The following VTI1A variants were observed in gnomAD, a reference collection of about 807,000 sequenced individuals.
VTI1A encodes the protein vesicle transport through interaction with t-SNAREs homolog 1A.
Under a neutral mutation model 34.9 loss-of-function variants are expected in VTI1A, and 22 were observed. The observed-to-expected ratio is 0.63, with a 90% CI of 0.45 to 0.90. The LOEUF is 0.90. Ranked by LOEUF, VTI1A falls within the 40% of genes least tolerant of loss-of-function variation. VTI1A has a pLI of 0.00. For synonymous variants in VTI1A, 87 were observed against 97.3 expected, an observed-to-expected ratio of 0.89 and a Z score of 0.62; for missense variants, 268 against 275.6, an observed-to-expected ratio of 0.97 and a Z score of 0.20.
At chr10:112,801,143 G>A in intron 7 of VTI1A, among the ~76,000 whole-genome samples, 1 of 152,230 alleles carries the variant, frequency 6.6e-6, no homozygotes, top group East Asian at 1.9e-4. Context: ...GAACCTTCTC[G>A]AGCAGATCTT....
chr10:112,515,355 A>G (rs1283472263), intron 3 of VTI1A, among the ~76,000 whole-genome samples: 1 of 152,064 alleles, frequency 6.6e-6, no homozygotes, highest in Non-Finnish European at 1.5e-5. Flanking sequence ...ATTATTTTCA[A>G]TTGTGAAAAT....
chr10:112,713,226 G>A lies in VTI1A; in HGVS notation c.560+44228G>A, dbSNP rs190316128. On this transcript the variant is annotated intron_variant, in intron 7 of 7. Transcript: ENST00000393077. The stretch of plus-strand genomic sequence containing the variant: ...CATGCACCAGCCCAATGGAGCACTA[G>A]TATTCTCTTACAGAACTATTGGTTA... 2.8e-3 allele frequency among the ~76,000 whole-genome samples: 431 copies of A among 152,246 alleles called. 1 individual carries two copies. Among genetic ancestry groups the A allele is most frequent in the Non-Finnish European group, 4.8e-3 (327 of 68,018 alleles).
At chr10:112,518,535 C>G (rs997914383) in intron 3 of VTI1A, among the ~76,000 whole-genome samples, 2 of 134,180 alleles carry the variant, frequency 1.5e-5, no homozygotes, top group Non-Finnish European at 1.6e-5. Context: ...CATGGTGAGA[C>G]CTCATATCTC....
intron 7 of VTI1A, among the ~76,000 whole-genome samples, chr10:112,708,404 TATAAG>T (rs1849277253): frequency 6.6e-6 from 1 of 152,240 alleles, no homozygotes; most frequent in Non-Finnish European, 1.5e-5. Context: ...CAAGAGCTAA[TATAAG>T]CTTGGGAATA....
At chr10:112,482,066 C>G (rs1368145174) in intron 3 of VTI1A, among the ~76,000 whole-genome samples, 2 of 152,080 alleles carry the variant, frequency 1.3e-5, no homozygotes, top group African/African-American at 4.8e-5. Flanking sequence ...TAGGAAATTA[C>G]TTTTAAAAAC....
At chr10:112,832,961 C>G in the VTI1A span, among the ~76,000 whole-genome samples, 1 of 152,180 alleles carries the variant, frequency 6.6e-6, no homozygotes, top group Admixed American at 6.5e-5. Flanking sequence ...ATACCAGCAC[C>G]AGTTGGGTCT....
intron 7 of VTI1A, among the ~76,000 whole-genome samples, chr10:112,800,004 C>T (rs1852821469): frequency 6.6e-6 from 1 of 151,978 alleles, no homozygotes; most frequent in Admixed American, 6.6e-5. Flanking sequence ...AAAACGTAAC[C>T]ACATCCCTCA....
chr10:112,498,234 C>T (rs1589832089), intron 3 of VTI1A, among the ~76,000 whole-genome samples: 1 of 152,148 alleles, frequency 6.6e-6, no homozygotes, highest in African/African-American at 2.4e-5. Context: ...AGACCATAAT[C>T]TGCATTTTCC....
intron 7 of VTI1A, among the ~76,000 whole-genome samples, chr10:112,670,912 C>T (rs1847823133): frequency 6.6e-6 from 1 of 152,190 alleles, no homozygotes; most frequent in Admixed American, 6.5e-5. Context: ...ATGTTTTTCA[C>T]TAGGCACAGC....
rs1847696321 is a variant in VTI1A, at chr10:112,460,523, G to T, written c.95-1G>T. 6.9e-6 allele frequency: 11 copies of T among 1,605,832 alleles called. No individual in the cohort carries two copies. Among genetic ancestry groups the T allele is most frequent in the Admixed American group, 1.7e-5 (1 of 58,662 alleles). ...TTTCTTGGTATTATTGTTTGTTTCA[G>T]ATGAAAAGAAACAGATGGTTGCAAA... On this transcript the variant is annotated splice_acceptor_variant, in intron 1 of 7. Coordinates refer to ENST00000393077, the MANE Select transcript of VTI1A (RefSeq NM_145206.4). LOFTEE classifies it high-confidence loss of function.
chr10:112,675,837 C>T (rs1167266680), intron 7 of VTI1A, among the ~76,000 whole-genome samples: 2 of 152,246 alleles, frequency 1.3e-5, no homozygotes, highest in South Asian at 2.1e-4. Flanking sequence ...GCTCTGGAGC[C>T]GCACTGGCTC....
chr10:112,645,735 A>G (rs1197216358), intron 5 of VTI1A, among the ~76,000 whole-genome samples: 4 of 152,200 alleles, frequency 2.6e-5, no homozygotes, highest in Non-Finnish European at 5.9e-5. Context: ...ATAAGTGTAT[A>G]TCTAGTGTTC....
At chr10:112,695,603 G>A (rs1848756548) in intron 7 of VTI1A, among the ~76,000 whole-genome samples, 1 of 152,286 alleles carries the variant, frequency 6.6e-6, no homozygotes, top group East Asian at 1.9e-4. Flanking sequence ...GTTGATTATG[G>A]ATAGTTCCTT....
At chr10:112,674,412 T>A (rs530567992) in intron 7 of VTI1A, among the ~76,000 whole-genome samples, 1 of 152,250 alleles carries the variant, frequency 6.6e-6, no homozygotes. Flanking sequence ...AGTTTATTTC[T>A]GTACAGTTGA....
chr10:112,735,390 C>T (rs760151475), intron 7 of VTI1A, among the ~76,000 whole-genome samples: 3 of 152,208 alleles, frequency 2.0e-5, no homozygotes, highest in Non-Finnish European at 2.9e-5. Flanking sequence ...AACAATCAAT[C>T]GGATTCCTTT....
intron 5 of VTI1A, among the ~76,000 whole-genome samples, chr10:112,571,345 C>G (rs536265729): frequency 6.6e-6 from 1 of 152,258 alleles, no homozygotes; most frequent in South Asian, 2.1e-4. Context: ...CTATAGGAGA[C>G]AACACTAGCC....
At chr10:112,829,307 G>A in the VTI1A span, among the ~76,000 whole-genome samples, 4 of 152,126 alleles carry the variant, frequency 2.6e-5, no homozygotes, top group African/African-American at 9.7e-5. Context: ...AGCCGAGCGT[G>A]GTGGCAGGTG....
In VTI1A at chr10:112,815,231, G is replaced by A. The variant is rs567741850; in HGVS notation, c.561-59G>A. 1.0e-3 allele frequency: 1,455 copies of A among 1,414,498 alleles called. 3 individuals are homozygous for A. Among genetic ancestry groups the A allele is most frequent in the Non-Finnish European group, 1.2e-3 (1,249 of 1,016,608 alleles). The allele number at this position is 1,414,498 out of a possible 1,614,324, so 87.6% of individuals were successfully genotyped here. On this transcript the variant is annotated intron_variant, in intron 7 of 7. Coordinates refer to ENST00000393077, the MANE Select transcript of VTI1A (RefSeq NM_145206.4). Reference sequence around the variant, plus strand: ...ATTAGCCAACCTGGCCTCGGACGGCGTTTGTGGGAAGGCCTTCCACTTATC... The same window carrying A: ...ATTAGCCAACCTGGCCTCGGACGGCATTTGTGGGAAGGCCTTCCACTTATC...
intron 5 of VTI1A, among the ~76,000 whole-genome samples, chr10:112,644,138 C>T (rs558779607): frequency 2.5e-4 from 38 of 152,238 alleles, no homozygotes; most frequent in African/African-American, 6.3e-4. Context: ...CAACCCAGCA[C>T]GGATGTAGTT....
Sources: allele counts gnomAD v4.1 joint callset (sites outside exome capture counted in the v4.1 genomes callset), GRCh38; gene constraint gnomAD v4.1.1; transcripts MANE v1.5; gene names NCBI Gene and HGNC (gene_info 2026-07-23, HGNC 2026-07-21).